The following PHTF2 variants were observed in gnomAD, a reference collection of about 807,000 sequenced individuals.
PHTF2 encodes protein PHTF2.
PHTF2 carries 60 observed loss-of-function variants against 101.2 expected under a neutral mutation model. The observed-to-expected ratio is 0.59, with a 90% confidence interval of 0.48 to 0.73. The LOEUF is 0.73. Among genes scored for constraint, PHTF2 ranks in the 30% least tolerant of loss-of-function variants. PHTF2 has a pLI of 0.00. For synonymous variants in PHTF2, 311 were observed against 307.3 expected (o/e 1.01, Z -0.13); for missense variants, 747 against 908.7 (o/e 0.82, Z 2.29).
intron 3 of PHTF2, among the ~76,000 whole-genome samples, chr7:77,855,645 G>A (rs987453991): frequency 6.6e-6 from 1 of 152,174 alleles, no homozygotes; most frequent in African/African-American, 2.4e-5. Context: ...TAGCCGGAAC[G>A]CAGTTTCTGA....
At chr7:77,827,990 C>G (rs1300811124) in intron 1 of PHTF2, among the ~76,000 whole-genome samples, 3 of 152,156 alleles carry the variant, frequency 2.0e-5, no homozygotes. Flanking sequence ...ATTTTAATCT[C>G]TAAATTAAGT....
rs536966733 is a variant in PHTF2 at position 77,912,710 on chromosome 7, CTTTTTTTTTTTTTTTTTT to C, written c.776+2323_776+2340del. On this transcript the variant is annotated intron_variant, in intron 9 of 19. Transcript: ENST00000416283. ...TCTCACTGCACACTGAGAGAACCAC[CTTTTTTTTTTTTTTTTTT>C]TTTTTTTTTTTTTTTTTTTTTGAGA... Among the ~76,000 whole-genome samples the C allele has an allele frequency of 4.5e-3, 359 of 80,440 alleles. 1 individual carries two copies. The highest frequency in any genetic ancestry group is 0.015 in the African/African-American group (318 of 20,852). The allele number at this position is 80,440 out of a possible 152,430, so 52.8% of individuals were successfully genotyped here.
intron 1 of PHTF2, among the ~76,000 whole-genome samples, chr7:77,810,820 G>A (rs1793380674): frequency 6.6e-6 from 1 of 152,106 alleles, no homozygotes; most frequent in Non-Finnish European, 1.5e-5. Context: ...TTAAAGGCAT[G>A]AGCCACCCCA....
chr7:77,873,872 A>G (rs1385665240), intron 3 of PHTF2, among the ~76,000 whole-genome samples: 1 of 152,192 alleles, frequency 6.6e-6, no homozygotes, highest in Non-Finnish European at 1.5e-5. Context: ...AAGGTCAGCC[A>G]CTTGCGTGAT....
At chr7:77,923,824 C>T in intron 11 of PHTF2, 1 of 985,214 alleles carries the variant, frequency 1.0e-6, no homozygotes, top group African/African-American at 1.7e-5. Flanking sequence ...TTTTCTCACT[C>T]CATGATCTTG....
At chr7:77,860,525 T>A (rs1797553359) in intron 3 of PHTF2, among the ~76,000 whole-genome samples, 1 of 152,154 alleles carries the variant, frequency 6.6e-6, no homozygotes, top group Non-Finnish European at 1.5e-5. Flanking sequence ...TCTGTAATAT[T>A]GAGATAAGAA....
chr7:77,828,887 C>A (rs1029916384), intron 1 of PHTF2, among the ~76,000 whole-genome samples: 2 of 151,882 alleles, frequency 1.3e-5, no homozygotes, highest in Admixed American at 6.6e-5. Context: ...AAAATTATAA[C>A]TCTAGGCTGG....
exon 11 of PHTF2, chr7:77,922,764 C>A: frequency 1.9e-6 from 3 of 1,596,112 alleles, no homozygotes; most frequent in Non-Finnish European, 2.6e-6. Flanking sequence ...TTATAAGAAA[C>A]ATTACCCTAA....
At chr7:77,838,487 TA>T (rs1474453108) in intron 1 of PHTF2, among the ~76,000 whole-genome samples, 1 of 152,228 alleles carries the variant, frequency 6.6e-6, no homozygotes, top group African/African-American at 2.4e-5. Context: ...AAAAAGGAAA[TA>T]TAAATACTTC....
intron 1 of PHTF2, among the ~76,000 whole-genome samples, chr7:77,824,083 G>T (rs985446505): frequency 2.0e-5 from 3 of 152,080 alleles, no homozygotes; most frequent in African/African-American, 7.2e-5. Flanking sequence ...TGACAAATAC[G>T]TTATATTAAT....
chr7:77,848,626 GTA>G (rs1491318220), intron 2 of PHTF2, among the ~76,000 whole-genome samples: 4 of 152,100 alleles, frequency 2.6e-5, no homozygotes, highest in Non-Finnish European at 5.9e-5. Flanking sequence ...TGTCAGATGG[GTA>G]GTTTGCAAAT....
At chr7:77,901,829 A>T (rs775116048) in exon 7 of PHTF2, 3 of 1,593,344 alleles carry the variant, frequency 1.9e-6, no homozygotes, top group Non-Finnish European at 2.6e-6. Context: ...GAATTGTTCG[A>T]GTTGTATTTT....
chr7:77,927,191 TATATACATAC>T (rs761318422), intron 11 of PHTF2, among the ~76,000 whole-genome samples: 8,114 of 92,660 alleles, frequency 0.088, 440 homozygotes, highest in South Asian at 0.2. Flanking sequence ...TATATATATA[TATATACATAC>T]ACACACACAC....
At chr7:77,901,906 T>C in exon 7 of PHTF2, 1 of 1,584,368 alleles carries the variant, frequency 6.3e-7, no homozygotes, top group Non-Finnish European at 8.6e-7. Flanking sequence ...CTTCTTGTCC[T>C]TTATCTTCTT....
chr7:77,900,800 G>A lies in PHTF2; in HGVS notation c.286+20G>A. The A allele has an allele frequency of 8.4e-7, 1 of 1,191,902 alleles. No individual in the cohort carries two copies. The highest frequency in any genetic ancestry group is 1.3e-6 in the Non-Finnish European group (1 of 795,662). The allele number at this position is 1,191,902 out of a possible 1,614,324, so 73.8% of individuals were successfully genotyped here. A position where few individuals can be genotyped will look rare whatever the true frequency, so the allele number is the denominator to read the frequency against. On this transcript the variant is annotated intron_variant, in intron 6 of 19. Coordinates refer to ENST00000416283, the Ensembl canonical transcript of PHTF2. Reference sequence around the variant, plus strand: ...TAAGAGGTGAGTCTGATAAATAAATGCTTAATACAAGTAGACATTGTTCTG... The same window carrying A: ...TAAGAGGTGAGTCTGATAAATAAATACTTAATACAAGTAGACATTGTTCTG...
At chr7:77,922,855 A>T in intron 11 of PHTF2, 77 bp downstream of exon 10, 9 of 1,278,928 alleles carry the variant, frequency 7.0e-6, no homozygotes, top group Non-Finnish European at 9.5e-6. Context: ...TTCAACAATT[A>T]AAAATTGTTG....
At chr7:77,891,331 C>G (rs889187736) in intron 3 of PHTF2, among the ~76,000 whole-genome samples, 1 of 152,104 alleles carries the variant, frequency 6.6e-6, no homozygotes, top group African/African-American at 2.4e-5. Flanking sequence ...CCCATACTTA[C>G]CTTTTCTGAT....
At chr7:77,818,110 C>CAAA (rs776568833) in intron 1 of PHTF2, among the ~76,000 whole-genome samples, 5 of 90,592 alleles carry the variant, frequency 5.5e-5, no homozygotes, top group Non-Finnish European at 9.2e-5. Context: ...AACTCCGTCT[C>CAAA]AAAAAAAAAA....
At chr7:77,875,632 A>T (rs956552232) in intron 3 of PHTF2, among the ~76,000 whole-genome samples, 1 of 151,940 alleles carries the variant, frequency 6.6e-6, no homozygotes, top group South Asian at 2.1e-4. Flanking sequence ...ATCTTGGCTC[A>T]CTGCAAGCTC....
Sources: gnomAD v4.1 joint callset for allele counts (sites outside exome capture counted in the v4.1 genomes callset) on GRCh38, gnomAD v4.1.1 for gene constraint, MANE v1.5 for transcripts, NCBI Gene and HGNC (gene_info 2026-07-23, HGNC 2026-07-21) for gene names.